The following ADARB2 variants were observed in gnomAD, a reference collection of about 807,000 sequenced individuals.
The protein encoded by ADARB2 is adenosine deaminase RNA specific B2 (inactive), also known as inactive double-stranded RNA-specific editase B2.
ADARB2 carries 25 observed loss-of-function variants against 62.2 expected under a neutral mutation model. The ratio of observed to expected loss-of-function variants is 0.40; its 90% CI spans 0.29 to 0.56. ADARB2 has a LOEUF of 0.56. Among genes scored for constraint, ADARB2 ranks in the 20% least tolerant of loss-of-function variants. The probability of loss-of-function intolerance (pLI) is 0.43; values close to 1 mark genes in which losing one functional copy is unlikely to be tolerated. For missense variants in ADARB2, 1,071 were observed against 1,077.4 expected, an observed-to-expected ratio of 0.99 and a Z score of 0.08; for synonymous variants, 572 against 500.8, an observed-to-expected ratio of 1.14 and a Z score of -1.90.
At chr10:1,460,408 A>G (rs12761100) in intron 1 of ADARB2, among the ~76,000 whole-genome samples, 1,495 of 14,866 alleles carry the variant, frequency 0.1, 10 homozygotes, top group Middle Eastern at 0.17. Context: ...TGTGACCTGA[A>G]TTTACCTGCG....
chr10:1,575,479 A>G (rs1832998269), intron 1 of ADARB2, among the ~76,000 whole-genome samples: 1 of 151,724 alleles, frequency 6.6e-6, no homozygotes, highest in Non-Finnish European at 1.5e-5. Flanking sequence ...GACATGGGAG[A>G]AAAGTAAGCA....
intron 1 of ADARB2, among the ~76,000 whole-genome samples, chr10:1,660,236 C>T (rs1381069691): frequency 1.3e-5 from 2 of 152,240 alleles, no homozygotes; most frequent in Admixed American, 6.5e-5. Context: ...CTGGCTACTT[C>T]CTGGAGGATA....
chr10:1,533,915 C>G (rs1832284846), intron 1 of ADARB2, among the ~76,000 whole-genome samples: 1 of 151,870 alleles, frequency 6.6e-6, no homozygotes, highest in Admixed American at 6.6e-5. Context: ...TTAACGTAAT[C>G]ATTTAGGAAT....
chr10:1,357,905 C>A (rs1199148569), intron 3 of ADARB2, among the ~76,000 whole-genome samples: 2 of 152,244 alleles, frequency 1.3e-5, no homozygotes, highest in Non-Finnish European at 2.9e-5. Context: ...TTTGGTAGGT[C>A]TCTGAAACGC....
intron 1 of ADARB2, among the ~76,000 whole-genome samples, chr10:1,449,462 C>T (rs887390780): frequency 6.6e-6 from 1 of 152,198 alleles, no homozygotes; most frequent in Non-Finnish European, 1.5e-5. Flanking sequence ...TGTTTTCTCC[C>T]CTTTTATCCC....
At chr10:1,374,716 TC>T (rs1304914173) in intron 2 of ADARB2, among the ~76,000 whole-genome samples, 1 of 152,188 alleles carries the variant, frequency 6.6e-6, no homozygotes, top group African/African-American at 2.4e-5. Context: ...ACGCCCGGCT[TC>T]CCCTGTGCGG....
At chr10:1,184,069 C>T (rs1836717412) in intron 9 of ADARB2, among the ~76,000 whole-genome samples, 4 of 152,206 alleles carry the variant, frequency 2.6e-5, no homozygotes. Context: ...AGGCTGAGAG[C>T]TGCAGGATGC....
intron 1 of ADARB2, among the ~76,000 whole-genome samples, chr10:1,564,101 G>A (rs1455660883): frequency 6.6e-6 from 1 of 151,968 alleles, no homozygotes; most frequent in African/African-American, 2.4e-5. Context: ...ACGTGTGCAG[G>A]TGTCTTTATA....
chr10:1,521,647 G>A (rs1031999688), intron 1 of ADARB2, among the ~76,000 whole-genome samples: 2 of 152,146 alleles, frequency 1.3e-5, no homozygotes, highest in African/African-American at 4.8e-5. Context: ...ATAAAACTTC[G>A]ATCTCCACCA....
Position 1,398,220 on chromosome 10 carries a change from C to T in ADARB2, c.101-19060G>A, listed in dbSNP as rs2805517. ...TCCTGGGTCACCATCAGTCTCTCCC[C>T]TCCCGAGTGCAGGCTTCCTGGGTCA... On this transcript the variant is annotated intron_variant, in intron 1 of 9. Transcript: ENST00000381312. This position sits in a 1 kb window ranked among gnomAD's most constrained non-coding sequence, Gnocchi z 4.1. Among the ~76,000 whole-genome samples the T allele has an allele frequency of 0.049, 7,255 of 147,546 alleles. 599 individuals carry two copies. Among genetic ancestry groups the T allele is most frequent in the African/African-American group, 0.18 (6,821 of 37,564 alleles).
At chr10:1,643,216 C>A (rs1304615235) in intron 1 of ADARB2, among the ~76,000 whole-genome samples, 1 of 152,194 alleles carries the variant, frequency 6.6e-6, no homozygotes, top group Non-Finnish European at 1.5e-5. Context: ...CCATCAAACA[C>A]AGAAAAAACA....
intron 1 of ADARB2, among the ~76,000 whole-genome samples, chr10:1,625,908 C>CGCCCCACTTCTCACGCCT (rs11270468): frequency 7.9e-5 from 12 of 151,488 alleles, no homozygotes; most frequent in African/African-American, 2.2e-4. Flanking sequence ...TCTGCCTGAC[C>CGCCCCACTTCTCACGCCT]CTGCGCTCTC....
At chr10:1,374,817 A>G (rs1270563580) in intron 2 of ADARB2, among the ~76,000 whole-genome samples, 2 of 152,230 alleles carry the variant, frequency 1.3e-5, no homozygotes, top group Non-Finnish European at 2.9e-5. Context: ...GCGCCACGCT[A>G]CATTGGAAGA....
chr10:1,735,558 A>G (rs1835289885), intron 1 of ADARB2, among the ~76,000 whole-genome samples: 1 of 152,258 alleles, frequency 6.6e-6, no homozygotes, highest in South Asian at 2.1e-4. Flanking sequence ...TTTAAAAGTC[A>G]TATTCATTAT....
intron 1 of ADARB2, among the ~76,000 whole-genome samples, chr10:1,381,710 C>A (rs2387658): frequency 0.33 from 50,268 of 152,096 alleles, 8,611 homozygotes; most frequent in Non-Finnish European, 0.37. Flanking sequence ...AACTGGAGGA[C>A]CTCATCCTAA....
chr10:1,264,744 A>G (rs1322766280), intron 4 of ADARB2, among the ~76,000 whole-genome samples: 1 of 152,236 alleles, frequency 6.6e-6, no homozygotes, highest in Non-Finnish European at 1.5e-5. Flanking sequence ...CACTTCCCTC[A>G]GAAGGGTTTC....
intron 3 of ADARB2, among the ~76,000 whole-genome samples, chr10:1,306,391 T>A (rs867787528): frequency 1.3e-5 from 2 of 151,744 alleles, no homozygotes; most frequent in South Asian, 2.1e-4. Flanking sequence ...TACAAACCAC[T>A]GCTCAAGGAA....
intron 1 of ADARB2, among the ~76,000 whole-genome samples, chr10:1,682,110 A>G (rs181251556): frequency 6.6e-6 from 1 of 152,348 alleles, no homozygotes; most frequent in Non-Finnish European, 1.5e-5. Context: ...CTTAAACAGA[A>G]TCACTTAACC....
intron 3 of ADARB2, among the ~76,000 whole-genome samples, chr10:1,323,976 G>T (rs889567772): frequency 2.0e-5 from 3 of 152,180 alleles, no homozygotes; most frequent in African/African-American, 7.2e-5. Flanking sequence ...GCCATAAACT[G>T]CGAGGAAATA....
Sources: allele counts gnomAD v4.1 joint callset (sites outside exome capture counted in the v4.1 genomes callset), GRCh38; gene constraint gnomAD v4.1.1; non-coding constraint Gnocchi (gnomAD v3.1); transcripts MANE v1.5; gene names NCBI Gene and HGNC (gene_info 2026-07-23, HGNC 2026-07-21).